The following SFMBT1 variants were observed in gnomAD, a reference collection of about 807,000 sequenced individuals.
SFMBT1 encodes the protein Scm like with four mbt domains 1.
In SFMBT1, 32 loss-of-function variants were observed where a neutral mutation model predicts 108.7. The observed-to-expected ratio is 0.29, with a 90% CI of 0.22 to 0.40. The LOEUF (loss-of-function observed/expected upper bound fraction) is 0.40. Among genes scored for constraint, SFMBT1 ranks in the 10% least tolerant of loss-of-function variants. The probability of loss-of-function intolerance (pLI) is 1.00; values close to 1 mark genes in which losing one functional copy is unlikely to be tolerated. For missense variants in SFMBT1, 816 were observed against 1,059.6 expected, an observed-to-expected ratio of 0.77 and a Z score of 3.19; for synonymous variants, 348 against 369.5, an observed-to-expected ratio of 0.94 and a Z score of 0.67.
At chr3:53,024,307 C>T (rs1264242502) in intron 1 of SFMBT1, among the ~76,000 whole-genome samples, 1 of 152,014 alleles carries the variant, frequency 6.6e-6, no homozygotes, top group Non-Finnish European at 1.5e-5. Flanking sequence ...GGAAAAAACC[C>T]CAAAGAGGTA....
At chr3:52,918,449 A>G (rs1315530926) in intron 13 of SFMBT1, 35 bp downstream of exon 13, 2 of 1,501,308 alleles carry the variant, frequency 1.3e-6, no homozygotes, top group Non-Finnish European at 1.8e-6. Context: ...TAGATATTCT[A>G]ACTTGTAAAC....
intron 1 of SFMBT1, among the ~76,000 whole-genome samples, chr3:53,008,679 G>A (rs959231358): frequency 1.1e-4 from 16 of 149,588 alleles, no homozygotes; most frequent in Admixed American, 1.0e-3. Flanking sequence ...CACCCAGGCT[G>A]GAGTGCAGTG....
chr3:52,950,632 G>T (rs1279627125), intron 3 of SFMBT1, among the ~76,000 whole-genome samples: 1 of 152,008 alleles, frequency 6.6e-6, no homozygotes, highest in Non-Finnish European at 1.5e-5. Context: ...CCACCATCAT[G>T]CCTGTCTAAT....
chr3:52,983,033 G>A (rs1704771060), intron 1 of SFMBT1, among the ~76,000 whole-genome samples: 1 of 152,128 alleles, frequency 6.6e-6, no homozygotes, highest in Non-Finnish European at 1.5e-5. Flanking sequence ...TTTAGAGGAA[G>A]GAAAAAGCAA....
At chr3:53,026,798 AT>A (rs1212806052) in intron 1 of SFMBT1, among the ~76,000 whole-genome samples, 3 of 151,948 alleles carry the variant, frequency 2.0e-5, no homozygotes, top group Non-Finnish European at 4.4e-5. Flanking sequence ...TTGAGAAGGG[AT>A]TTTTTTTCTT....
chr3:53,000,054 G>A (rs1446160317), intron 1 of SFMBT1, among the ~76,000 whole-genome samples: 1 of 149,684 alleles, frequency 6.7e-6, no homozygotes, highest in African/African-American at 2.4e-5. Context: ...AGTAGAGACA[G>A]GGTTTCACCG....
At chr3:52,909,585 C>T (rs542640280) in intron 17 of SFMBT1, among the ~76,000 whole-genome samples, 34 of 152,312 alleles carry the variant, frequency 2.2e-4, no homozygotes, top group African/African-American at 7.0e-4. Flanking sequence ...AGACCTGATA[C>T]ATCAGAAGCT....
intron 12 of SFMBT1, among the ~76,000 whole-genome samples, chr3:52,919,095 C>T (rs960891913): frequency 6.6e-5 from 10 of 152,154 alleles, no homozygotes; most frequent in Non-Finnish European, 1.2e-4. Flanking sequence ...CACTCACCTC[C>T]TGCTGTGTGG....
chr3:52,919,907 C>T (rs150892210), intron 12 of SFMBT1, among the ~76,000 whole-genome samples: 2 of 152,376 alleles, frequency 1.3e-5, no homozygotes, highest in African/African-American at 4.8e-5. Context: ...AACTTATCCA[C>T]CAATGTGCTG....
At chr3:52,928,160 A>C (rs1476674541) in intron 9 of SFMBT1, 31 bp downstream of exon 9, 1 of 1,594,912 alleles carries the variant, frequency 6.3e-7, no homozygotes, top group Non-Finnish European at 8.6e-7. Flanking sequence ...GAAGCTCTCA[A>C]GTGACAATTC....
intron 4 of SFMBT1, among the ~76,000 whole-genome samples, chr3:52,937,944 C>T (rs1417991283): frequency 6.6e-6 from 1 of 152,124 alleles, no homozygotes. Flanking sequence ...TCATCATATC[C>T]TTGAGCTCTC....
rs2106904938 is a variant in SFMBT1, at chr3:52,996,569, A to G, written c.-130-27311T>C. ...ATAGGTACTTCAGCAAAGAAAATAT[A>G]TGAATGGCAAGCACATGAAAAGATA... On this transcript the variant is annotated intron_variant, in intron 1 of 20. Transcript: ENST00000394752. Among the ~76,000 whole-genome samples the G allele has an allele frequency of 1.3e-5, 2 of 150,424 alleles. 1 individual carries two copies. The highest frequency in any genetic ancestry group is 6.8e-3 in the Middle Eastern group (2 of 292).
intron 1 of SFMBT1, among the ~76,000 whole-genome samples, chr3:53,033,029 C>T (rs553039577): frequency 3.3e-5 from 5 of 152,258 alleles, no homozygotes; most frequent in Non-Finnish European, 7.4e-5. Flanking sequence ...ATTTATGGGC[C>T]AGGTGCAAGA....
At chr3:53,022,252 C>A (rs1003252896) in intron 1 of SFMBT1, among the ~76,000 whole-genome samples, 49 of 151,976 alleles carry the variant, frequency 3.2e-4, no homozygotes, top group African/African-American at 9.9e-4. Flanking sequence ...GAGTTGGAGA[C>A]CAAACTGGGC....
intron 1 of SFMBT1, among the ~76,000 whole-genome samples, chr3:52,985,284 G>C (rs1219109077): frequency 6.6e-6 from 1 of 152,156 alleles, no homozygotes; most frequent in East Asian, 1.9e-4. Context: ...GTAATTTCAT[G>C]GTTGCTGTTT....
At chr3:52,922,271 G>A (rs1456446560) in intron 10 of SFMBT1, among the ~76,000 whole-genome samples, 3 of 152,094 alleles carry the variant, frequency 2.0e-5, no homozygotes, top group African/African-American at 4.8e-5. Flanking sequence ...CAAACTGCCT[G>A]GTTCATACTT....
chr3:52,912,090 C>T (rs1333994841), intron 16 of SFMBT1, among the ~76,000 whole-genome samples: 3 of 152,176 alleles, frequency 2.0e-5, no homozygotes, highest in Non-Finnish European at 4.4e-5. Flanking sequence ...GAAAAACAAG[C>T]CTGGGCCTTC....
intron 1 of SFMBT1, among the ~76,000 whole-genome samples, chr3:53,037,889 G>A (rs1699917632): frequency 6.6e-6 from 1 of 152,034 alleles, no homozygotes; most frequent in Admixed American, 6.6e-5. Flanking sequence ...CGGATGGATC[G>A]CCTGAGGTCA....
At chr3:53,027,300 G>A (rs1046684018) in intron 1 of SFMBT1, among the ~76,000 whole-genome samples, 5 of 151,642 alleles carry the variant, frequency 3.3e-5, no homozygotes, top group East Asian at 1.9e-4. Flanking sequence ...CCCCACCCCC[G>A]TTAAAACACC....
Sources: allele counts gnomAD v4.1 joint callset (sites outside exome capture counted in the v4.1 genomes callset), GRCh38; gene constraint gnomAD v4.1.1; transcripts MANE v1.5; gene names NCBI Gene and HGNC (gene_info 2026-07-23, HGNC 2026-07-21).